Variants in CACNA1E observed in about 807,000 individuals in gnomAD.
CACNA1E encodes voltage-dependent R-type calcium channel subunit alpha-1E.
A neutral mutation model predicts 259.2 loss-of-function variants in CACNA1E; 40 were observed. The observed-to-expected ratio is 0.15, with a 90% CI of 0.12 to 0.20. The LOEUF (loss-of-function observed/expected upper bound fraction) is 0.20, where lower values mean the gene tolerates loss of function less well. Among genes scored for constraint, CACNA1E ranks in the 10% least tolerant of loss-of-function variants. The pLI is 1.00. For synonymous variants in CACNA1E, 1,104 were observed against 1,138.5 expected (o/e 0.97, Z 0.61); for missense variants, 1,874 against 3,040.1 (o/e 0.62, Z 9.02).
At chr1:181,594,262 C>G (rs1026768097) in intron 6 of CACNA1E, among the ~76,000 whole-genome samples, 3 of 151,854 alleles carry the variant, frequency 2.0e-5, no homozygotes, top group Non-Finnish European at 2.9e-5. Context: ...TCTAGTGATA[C>G]TGAGATTTTT....
intron 2 of CACNA1E, 82 bp downstream of exon 2, chr1:181,510,664 C>A: frequency 2.3e-6 from 2 of 870,262 alleles, no homozygotes; most frequent in Non-Finnish European, 3.8e-6. Context: ...TCTCCCATTC[C>A]CTTCCTGCCT....
At chr1:181,454,580 C>T (rs2102348418) in intron 2 of CACNA1E, among the ~76,000 whole-genome samples, 1 of 152,302 alleles carries the variant, frequency 6.6e-6, no homozygotes, top group South Asian at 2.1e-4. Context: ...CATTCATGAA[C>T]TATTGCATCT....
chr1:181,790,374 C>A, intron 43 of CACNA1E, 71 bp from the exon 44 acceptor site: 1 of 938,838 alleles, frequency 1.1e-6, no homozygotes, highest in Non-Finnish European at 1.7e-6. Context: ...AAGGGTGTTG[C>A]CCTGCTGGGG....
At chr1:181,604,833 A>T (rs1654076738) in intron 6 of CACNA1E, among the ~76,000 whole-genome samples, 1 of 151,972 alleles carries the variant, frequency 6.6e-6, no homozygotes, top group South Asian at 2.1e-4. Context: ...GCCTTGCTTA[A>T]CCTAGCGGGG....
chr1:181,392,953 G>A (rs1197920605), intron 1 of CACNA1E, among the ~76,000 whole-genome samples: 1 of 152,216 alleles, frequency 6.6e-6, no homozygotes, highest in East Asian at 1.9e-4. Flanking sequence ...ATGTAGGGCT[G>A]GTTCTTCAGG....
intron 1 of CACNA1E, among the ~76,000 whole-genome samples, chr1:181,330,184 C>T (rs952414146): frequency 6.6e-6 from 1 of 152,136 alleles, no homozygotes; most frequent in Non-Finnish European, 1.5e-5. Context: ...TCAGCTGTTC[C>T]TGGATTGGAC....
At chr1:181,690,051 A>G (rs1019018585) in intron 7 of CACNA1E, among the ~76,000 whole-genome samples, 1 of 152,122 alleles carries the variant, frequency 6.6e-6, no homozygotes, top group African/African-American at 2.4e-5. Flanking sequence ...GTCTTTGCTC[A>G]TGCCTGTGTC....
intron 1 of CACNA1E, among the ~76,000 whole-genome samples, chr1:181,398,290 A>C (rs1656837794): frequency 6.6e-6 from 1 of 152,250 alleles, no homozygotes. Context: ...CAAACAAGGC[A>C]AAACAAAATA....
At chr1:181,585,101 G>A (rs1459614690) in intron 6 of CACNA1E, among the ~76,000 whole-genome samples, 2 of 152,084 alleles carry the variant, frequency 1.3e-5, no homozygotes, top group Admixed American at 6.5e-5. Flanking sequence ...GGTGATGCTT[G>A]GAATTGGATA....
At chr1:181,568,545 A>C (rs1319793554) in intron 3 of CACNA1E, among the ~76,000 whole-genome samples, 1 of 151,982 alleles carries the variant, frequency 6.6e-6, no homozygotes, top group East Asian at 1.9e-4. Flanking sequence ...CAGCCTATAA[A>C]ATTTTCCTTC....
chr1:181,790,597 G>A (rs1398956731), intron 44 of CACNA1E, 41 bp downstream of exon 44: 2 of 1,183,390 alleles, frequency 1.7e-6, no homozygotes, highest in African/African-American at 1.5e-5. Context: ...TACTTCCTTG[G>A]TTTCCTGATC....
chr1:181,525,961 A>G (rs1426524372), intron 3 of CACNA1E, among the ~76,000 whole-genome samples: 1 of 152,214 alleles, frequency 6.6e-6, no homozygotes, highest in East Asian at 1.9e-4. Flanking sequence ...AGTTTCAGAA[A>G]GCAGTTGCCC....
intron 1 of CACNA1E, among the ~76,000 whole-genome samples, chr1:181,391,688 G>A (rs991221337): frequency 2.0e-5 from 3 of 152,206 alleles, no homozygotes; most frequent in African/African-American, 7.2e-5. Flanking sequence ...AACCTTGCTA[G>A]AGCCAGTTCT....
At position 181,459,970 on chromosome 1, in the gene CACNA1E, C is replaced by T. The variant is rs142272710; in HGVS notation, c.435-23774C>T. ...AATGGCCAGCTAGGTAATGCACCAT[C>T]ATATTGGCTCTCCCTCCTTGCCTGC... On this transcript the variant is annotated intron_variant, in intron 2 of 11. Coordinates refer to the CACNA1E transcript ENST00000524607. 3.1e-3 allele frequency among the ~76,000 whole-genome samples: 473 copies of T among 152,332 alleles called. 2 individuals are homozygous for T. The highest frequency in any genetic ancestry group is 0.011 in the African/African-American group (448 of 41,576).
chr1:181,755,439 T>G, intron 28 of CACNA1E, 42 bp downstream of exon 28: 1 of 1,531,372 alleles, frequency 6.5e-7, no homozygotes, highest in Admixed American at 1.7e-5. Context: ...TGCTGAAGCA[T>G]GTCCTGATGA....
At chr1:181,491,940 G>A (rs1664352387) in intron 1 of CACNA1E, among the ~76,000 whole-genome samples, 1 of 152,196 alleles carries the variant, frequency 6.6e-6, no homozygotes, top group Non-Finnish European at 1.5e-5. Context: ...AAGACCAGGT[G>A]TAGCCCCAGG....
intron 3 of CACNA1E, among the ~76,000 whole-genome samples, chr1:181,528,958 A>G (rs776666827): frequency 2.0e-5 from 3 of 152,268 alleles, no homozygotes; most frequent in Non-Finnish European, 4.4e-5. Context: ...AGAAATTTGC[A>G]TAAGTAGCAA....
At chr1:181,516,780 G>A (rs949352425) in intron 3 of CACNA1E, among the ~76,000 whole-genome samples, 1 of 152,212 alleles carries the variant, frequency 6.6e-6, no homozygotes, top group African/African-American at 2.4e-5. Context: ...CTAGTCTTGA[G>A]TGTTGGTAAT....
intron 7 of CACNA1E, among the ~76,000 whole-genome samples, chr1:181,671,111 G>A (rs1572550092): frequency 6.6e-6 from 1 of 152,178 alleles, no homozygotes; most frequent in East Asian, 1.9e-4. Flanking sequence ...ATAGCTCACT[G>A]TAGCCTCGAC....
Sources: gnomAD v4.1 joint callset for allele counts (sites outside exome capture counted in the v4.1 genomes callset) on GRCh38, gnomAD v4.1.1 for gene constraint, MANE v1.5 for transcripts, NCBI Gene and HGNC (gene_info 2026-07-23, HGNC 2026-07-21) for gene names.